Variants in C4orf51 observed in about 807,000 individuals in gnomAD.
C4orf51 encodes chromosome 4 open reading frame 51, also known as uncharacterized protein C4orf51.
C4orf51 carries 25 observed loss-of-function variants against 25.2 expected under a neutral mutation model. The ratio of observed to expected loss-of-function variants is 0.99; its 90% CI spans 0.72 to 1.39. The LOEUF is 1.39. Among genes scored for constraint, C4orf51 ranks in the 40% most tolerant of loss-of-function variants. C4orf51 has a pLI of 0.00. For missense variants in C4orf51, 252 were observed against 239.6 expected (o/e 1.05, Z -0.34); for synonymous variants, 100 against 84.5 (o/e 1.18, Z -1.01).
At chr4:145,736,645 C>T (rs111548553), downstream of C4orf51, among the ~76,000 whole-genome samples, 223 of 152,308 alleles carry the variant, frequency 1.5e-3, 1 homozygote, top group African/African-American at 4.7e-3. Flanking sequence ...GCTCTCCAAT[C>T]GGCTTGGCCA....
chr4:145,680,189 A>G lies in C4orf51; in HGVS notation c.-15A>G, dbSNP rs373003529. ...GGACTTGACAAGTTGTTTTCCAGAG[A>G]GGCCGTTCGTAGTTATGTCACACTA... On this transcript the variant is annotated 5_prime_UTR_variant, in exon 1 of 6. Coordinates refer to ENST00000438731, the MANE Select transcript of C4orf51 (RefSeq NM_001080531.3). 14 of 1,572,910 alleles carry G rather than the reference A, an allele frequency of 8.9e-6. No individual in the cohort carries two copies. The highest frequency in any genetic ancestry group is 1.3e-5 in the African/African-American group (1 of 74,178).
At chr4:145,705,281 T>C (rs1049114368) in intron 2 of C4orf51, among the ~76,000 whole-genome samples, 4 of 152,202 alleles carry the variant, frequency 2.6e-5, no homozygotes, top group Non-Finnish European at 5.9e-5. Context: ...GGTGTTTCTA[T>C]TTATTGGGAG....
chr4:145,788,454 T>A, the C4orf51 span, among the ~76,000 whole-genome samples: 1 of 152,310 alleles, frequency 6.6e-6, no homozygotes, highest in African/African-American at 2.4e-5. Context: ...ATAACAATAA[T>A]CATTTTAAGA....
At chr4:145,791,230 G>C in the C4orf51 span, among the ~76,000 whole-genome samples, 1 of 152,192 alleles carries the variant, frequency 6.6e-6, no homozygotes, top group Non-Finnish European at 1.5e-5. Context: ...CTTCCTCACA[G>C]ACAGCCATCT....
In C4orf51 at chr4:145,680,450, G is replaced by A. The variant is rs1578903579; in HGVS notation, c.233+14G>A. Reference sequence around the variant, plus strand: ...TGAGTGTAAACAGTAAGATTTCTTTGTAATTTGCACCTGGATATATCACTA... The same window carrying A: ...TGAGTGTAAACAGTAAGATTTCTTTATAATTTGCACCTGGATATATCACTA... On this transcript the variant is annotated intron_variant, in intron 1 of 5. Transcript: ENST00000438731. The A allele has an allele frequency of 5.7e-6, 9 of 1,592,212 alleles. No individual in the cohort carries two copies. Among genetic ancestry groups the A allele is most frequent in the Non-Finnish European group, 7.7e-6 (9 of 1,161,720 alleles).
chr4:145,751,167 C>T (rs892284001), intron 1 of C4orf51, among the ~76,000 whole-genome samples: 23 of 152,032 alleles, frequency 1.5e-4, no homozygotes, highest in African/African-American at 1.7e-4. Flanking sequence ...TCATTTGGTG[C>T]GGTCATGTTT....
rs1187143811 is a variant in C4orf51, at chr4:145,765,194, T to C, written n.167-5794T>C. 1 of 1,571,208 alleles carries C rather than the reference T, an allele frequency of 6.4e-7. No homozygotes were observed. Among genetic ancestry groups the C allele is most frequent in the African/African-American group, 1.3e-5 (1 of 74,392 alleles). On this transcript the variant is annotated intron_variant and non_coding_transcript_variant, in intron 1 of 1. Coordinates refer to the C4orf51 transcript ENST00000510096. This position sits in a 1 kb window ranked among gnomAD's most constrained non-coding sequence, Gnocchi z 4.7. ...CAAGGACCGAAGCTGGGTATAGAGG[T>C]GCACAGGGCAGCGGGGAGAGGAGGG... is the stretch of plus-strand genomic sequence containing the variant.
downstream of C4orf51, among the ~76,000 whole-genome samples, chr4:145,772,530 AG>A (rs1736442519): frequency 6.6e-6 from 1 of 152,184 alleles, no homozygotes; most frequent in African/African-American, 2.4e-5. Flanking sequence ...TTATAAATAA[AG>A]TTTTATTGGA....
Position 145,706,157 on chromosome 4 carries a change from C to T in C4orf51, c.307+9525C>T, listed in dbSNP as rs147504164. ...TTTTGAAACAGATTTTTTTTCTCTC[C>T]GGTCCTCAGTTTTATTAAAGACAAA... is the stretch of plus-strand genomic sequence containing the variant. On this transcript the variant is annotated intron_variant, in intron 2 of 5. Transcript: ENST00000438731. Among the ~76,000 whole-genome samples, 681 of 152,136 alleles carry T rather than the reference C, an allele frequency of 4.5e-3. 5 individuals are homozygous for T. The highest frequency in any genetic ancestry group is 0.015 in the African/African-American group (634 of 41,522).
intron 1 of C4orf51, chr4:145,764,910 C>A: frequency 6.2e-6 from 10 of 1,600,812 alleles, no homozygotes; most frequent in Non-Finnish European, 6.8e-6. Context: ...AAAACCTTCA[C>A]GGGAAGGGAC....
At chr4:145,716,433 C>T (rs964356359) in intron 2 of C4orf51, among the ~76,000 whole-genome samples, 2 of 152,184 alleles carry the variant, frequency 1.3e-5, no homozygotes, top group South Asian at 2.1e-4. Flanking sequence ...AAATGGATTC[C>T]TTGGCTGGGC....
downstream of C4orf51, among the ~76,000 whole-genome samples, chr4:145,775,202 T>C (rs1344575849): frequency 6.6e-6 from 1 of 152,202 alleles, no homozygotes; most frequent in Non-Finnish European, 1.5e-5. Context: ...GCTAGAGACA[T>C]TTCCTGCAAA....
chr4:145,696,865 C>G (rs1474477243), intron 2 of C4orf51, among the ~76,000 whole-genome samples: 1 of 152,020 alleles, frequency 6.6e-6, no homozygotes, highest in East Asian at 1.9e-4. Flanking sequence ...AAACCCATCT[C>G]TACCAAAAAT....
the C4orf51 span, among the ~76,000 whole-genome samples, chr4:145,783,923 T>C: frequency 6.6e-6 from 1 of 152,120 alleles, no homozygotes; most frequent in Non-Finnish European, 1.5e-5. Flanking sequence ...GGTGATTGGA[T>C]CATGGGGGTG....
rs530363956 is a variant in C4orf51 at position 145,763,961 on chromosome 4, G to T, written n.167-7027G>T. Among the ~76,000 whole-genome samples, 17 of 152,126 alleles carry T rather than the reference G, an allele frequency of 1.1e-4. No homozygotes were observed. Among genetic ancestry groups the T allele is most frequent in the African/African-American group, 4.1e-4 (17 of 41,496 alleles). On this transcript the variant is annotated intron_variant and non_coding_transcript_variant, in intron 1 of 1. Transcript: ENST00000510096. This position sits in a 1 kb window ranked among gnomAD's most constrained non-coding sequence, Gnocchi z 4.6. The stretch of plus-strand genomic sequence containing the variant: ...TTTTGAGGAGGCAGGGGCCTGGGGG[G>T]ACCCAACCTGCACTGACCCCAACAC...
chr4:145,705,250 C>T (rs564138272), intron 2 of C4orf51, among the ~76,000 whole-genome samples: 55 of 152,300 alleles, frequency 3.6e-4, no homozygotes, highest in Admixed American at 1.8e-3. Flanking sequence ...CTTATCAGGA[C>T]GCTGCTGATC....
chr4:145,721,985 T>C lies in C4orf51; in HGVS notation c.308-4926T>C, dbSNP rs189048013. On this transcript the variant is annotated intron_variant, in intron 2 of 5. Coordinates refer to ENST00000438731, the MANE Select transcript of C4orf51 (RefSeq NM_001080531.3). ...GGGATGCTCCTTGGTGATTTTCCTTTTTTTGTGTGTGTGCCTGGTTTTAGC... is the reference window on the plus strand; with the variant it reads ...GGGATGCTCCTTGGTGATTTTCCTTCTTTTGTGTGTGTGCCTGGTTTTAGC... 5.3e-5 allele frequency among the ~76,000 whole-genome samples: 8 copies of C among 152,346 alleles called. No homozygotes were observed. In the East Asian group the frequency reaches 1.5e-3, roughly 29 times the overall value.
downstream of C4orf51, chr4:145,759,077 CAT>C (rs1009445491): frequency 5.3e-5 from 8 of 152,172 alleles, no homozygotes; most frequent in African/African-American, 1.4e-4. Context: ...TAGGATAACA[CAT>C]GATGGAAAAC....
downstream of C4orf51, among the ~76,000 whole-genome samples, chr4:145,737,672 T>C (rs1044645440): frequency 6.6e-6 from 1 of 152,204 alleles, no homozygotes; most frequent in African/African-American, 2.4e-5. Flanking sequence ...TAAGTTCAAA[T>C]TGATTTTTCC....
Sources: gnomAD v4.1 joint callset for allele counts (sites outside exome capture counted in the v4.1 genomes callset) on GRCh38, gnomAD v4.1.1 for gene constraint, Gnocchi (gnomAD v3.1) non-coding constraint, MANE v1.5 for transcripts, NCBI Gene and HGNC (gene_info 2026-07-23, HGNC 2026-07-21) for gene names.